Variants in SEMA7A observed in about 807,000 individuals in gnomAD.
SEMA7A encodes the protein semaphorin 7A (JohnMiltonHagen blood group), also known as semaphorin-7A.
SEMA7A carries 21 observed loss-of-function variants against 67.5 expected under a neutral mutation model. The ratio of observed to expected loss-of-function variants is 0.31; its 90% CI spans 0.22 to 0.45. The LOEUF is 0.45. Among genes scored for constraint, SEMA7A ranks in the 20% least tolerant of loss-of-function variants. The probability of loss-of-function intolerance (pLI) is 1.00; values close to 1 mark genes in which losing one functional copy is unlikely to be tolerated. For missense variants in SEMA7A, 774 were observed against 908.6 expected (o/e 0.85, Z 1.90); for synonymous variants, 364 against 368.5 (o/e 0.99, Z 0.14).
chr15:74,414,840 T>C lies in SEMA7A; in HGVS notation c.1093A>G (p.Lys365Glu). ...GCCACGGCTGGTGTCACGCTCACCT[T>C]GCCAGGCCGCGGGTTGGGAAGGCTT... ...HSSLPNPRPGKCLPDQQPIPT... is the reference protein window; with the variant it reads ...HSSLPNPRPGECLPDQQPIPT... The change falls in exon 9 of 14, where the codon AAG (lysine) becomes GAG (glutamate). Residue 365 changes from lysine (K) to glutamate (E), a missense_variant and splice_region_variant. This residue lies in a region of SEMA7A where 427 missense variants were observed against 555.4 expected (regional missense o/e 0.77). Coordinates refer to ENST00000261918, the MANE Select transcript of SEMA7A (RefSeq NM_003612.5). This position sits in a 1 kb window ranked among gnomAD's most constrained non-coding sequence, Gnocchi z 4.1. 1 of 1,614,174 alleles carries C rather than the reference T, an allele frequency of 6.2e-7. No individual in the cohort carries two copies. Among genetic ancestry groups the C allele is most frequent in the Non-Finnish European group, 8.5e-7 (1 of 1,180,006 alleles).
chr15:74,433,686 C>T, intron 1 of SEMA7A, 55 bp downstream of exon 1: 1 of 1,373,528 alleles, frequency 7.3e-7, no homozygotes, highest in Non-Finnish European at 9.3e-7. Flanking sequence ...ACACTCCGCA[C>T]CCGCCCCGCG....
rs1249884157 is a variant in SEMA7A at position 74,423,610 on chromosome 15, G to A, written c.179-4658C>T. On this transcript the variant is annotated intron_variant, in intron 1 of 13. Transcript: ENST00000261918. This position sits in a 1 kb window ranked among gnomAD's most constrained non-coding sequence, Gnocchi z 4.1. ...TTCCCTCTCTTGCTCACTAGGTGCC[G>A]AGTCACTAACCTGATAACTAAAGGG... Among the ~76,000 whole-genome samples the A allele has an allele frequency of 1.3e-5, 2 of 152,126 alleles. No individual in the cohort carries two copies. The highest frequency in any genetic ancestry group is 2.9e-5 in the Non-Finnish European group (2 of 68,024).
chr15:74,412,460 C>T (rs555623112), intron 10 of SEMA7A, among the ~76,000 whole-genome samples: 2 of 152,320 alleles, frequency 1.3e-5, no homozygotes, highest in Admixed American at 6.5e-5. Context: ...CAGCAGAGAC[C>T]GAGTTGGAAC....
chr15:74,431,608 A>T (rs1261757725), intron 1 of SEMA7A, among the ~76,000 whole-genome samples: 1 of 152,246 alleles, frequency 6.6e-6, no homozygotes, highest in Non-Finnish European at 1.5e-5. Flanking sequence ...CACCACTGGT[A>T]GACAGAGCTC....
At chr15:74,429,885 C>T (rs1411635535) in intron 1 of SEMA7A, among the ~76,000 whole-genome samples, 2 of 152,104 alleles carry the variant, frequency 1.3e-5, no homozygotes, top group Admixed American at 1.3e-4. Context: ...CCTTCCCTCC[C>T]CCAGCTGGCT....
rs747009655 is a variant in SEMA7A at position 74,417,935 on chromosome 15, C to T, written c.407G>A (p.Arg136Gln). The change falls in exon 4 of 14, where the codon CGG (arginine) becomes CAG (glutamine). Residue 136 changes from arginine (R) to glutamine (Q), a missense_variant. This residue lies in a region of SEMA7A where 347 missense variants were observed against 353.2 expected (regional missense o/e 0.98). Transcript: ENST00000261918. ...CENYITLLER[R>Q]SEGLLACGTN... ...GCCACAGGCCAGCAGCCCCTCACTC[C>T]GCCTCTCCAGGAGAGTGATGTAGTT... The T allele has an allele frequency of 2.6e-5, 42 of 1,613,216 alleles. No individual in the cohort carries two copies. Among genetic ancestry groups the T allele is most frequent in the South Asian group, 3.3e-5 (3 of 91,088 alleles).
At chr15:74,428,818 A>G (rs575294945) in intron 1 of SEMA7A, among the ~76,000 whole-genome samples, 8 of 152,318 alleles carry the variant, frequency 5.3e-5, no homozygotes, top group African/African-American at 1.7e-4. Context: ...CAGGGAGAAT[A>G]AAGGGCTTGG....
chr15:74,417,432 A>G lies in SEMA7A; in HGVS notation c.564T>C (p.Tyr188=), dbSNP rs2060961039. The G allele has an allele frequency of 3.7e-6, 6 of 1,613,698 alleles. No homozygotes were observed. Among genetic ancestry groups the G allele is most frequent in the South Asian group, 2.2e-5 (2 of 91,084 alleles). The change falls in exon 6 of 14, where the codon TAT becomes TAC. Residue 188 remains tyrosine (Y), a synonymous_variant. Coordinates refer to ENST00000261918, the MANE Select transcript of SEMA7A (RefSeq NM_003612.5). ...TGTATTCCTGCTTCCGGATGGTGGA[A>G]TACACCTCGTCCCCTGGGGTCAGTG... ...SLVLFEGDEV[Y]STIRKQEYNG... is the part of the protein sequence containing the mutation.
Position 74,410,986 on chromosome 15 carries a change from C to A in SEMA7A, c.1640-1G>T. ...GAAACCTTCTGCAGTGGGGCCTTGTCTGGGGAGGCAGTGGGGAAGCAGCCG... is the reference window on the plus strand; with the variant it reads ...GAAACCTTCTGCAGTGGGGCCTTGTATGGGGAGGCAGTGGGGAAGCAGCCG... On this transcript the variant is annotated splice_acceptor_variant, in intron 13 of 13. Coordinates refer to ENST00000261918, the MANE Select transcript of SEMA7A (RefSeq NM_003612.5). LOFTEE classifies it high-confidence loss of function. The surrounding 1 kb of genome is among the most constrained non-coding windows in gnomAD (Gnocchi z 7.5). 6.2e-7 allele frequency: 1 copy of A among 1,609,888 alleles called. No homozygotes were observed. Among genetic ancestry groups the A allele is most frequent in the South Asian group, 1.1e-5 (1 of 90,936 alleles).
chr15:74,420,970 C>T (rs1430519234), intron 1 of SEMA7A, among the ~76,000 whole-genome samples: 2 of 152,242 alleles, frequency 1.3e-5, no homozygotes, highest in Admixed American at 1.3e-4. Flanking sequence ...CATCAGTCAC[C>T]TTAGCCCCAC....
intron 1 of SEMA7A, among the ~76,000 whole-genome samples, chr15:74,433,124 G>A (rs2141296150): frequency 6.6e-6 from 1 of 152,194 alleles, no homozygotes; most frequent in African/African-American, 2.4e-5. Context: ...TGCTGAGGCA[G>A]CGCCCTGGTA....
chr15:74,416,866 G>A (rs989591268), intron 6 of SEMA7A, 152 bp from the exon 7 acceptor site: 60 of 824,888 alleles, frequency 7.3e-5, no homozygotes, highest in East Asian at 3.3e-4. Flanking sequence ...CCAACTCCCC[G>A]AGGGGCCCTA....
At chr15:74,425,905 C>T (rs2061040314) in intron 1 of SEMA7A, among the ~76,000 whole-genome samples, 1 of 152,166 alleles carries the variant, frequency 6.6e-6, no homozygotes, top group Non-Finnish European at 1.5e-5. Flanking sequence ...TGCAGATAGG[C>T]CAGTGACCTT....
At chr15:74,425,347 TGAGACACAGAGAAGCTGA>T (rs1567077641) in intron 1 of SEMA7A, among the ~76,000 whole-genome samples, 1 of 152,224 alleles carries the variant, frequency 6.6e-6, no homozygotes, top group Non-Finnish European at 1.5e-5. Flanking sequence ...ATGAGGACCA[TGAGACACAGAGAAGCTGA>T]GTAACTTACC....
rs760564617 is a variant in SEMA7A, at chr15:74,411,284, A to G, written c.1639+11T>C. On this transcript the variant is annotated intron_variant, in intron 13 of 13. Transcript: ENST00000261918. The surrounding 1 kb of genome is among the most constrained non-coding windows in gnomAD (Gnocchi z 4.4). ...TTGGGCCACAGCCGCCAGCAGGGCC[A>G]GATCAGGTACCTGGTTTGGGGTTGG... is the stretch of plus-strand genomic sequence containing the variant. 2 of 1,613,492 alleles carry G rather than the reference A, an allele frequency of 1.2e-6. No homozygotes were observed. The highest frequency in any genetic ancestry group is 2.2e-5 in the South Asian group (2 of 90,988).
chr15:74,420,826 C>A (rs1318758266), intron 1 of SEMA7A, among the ~76,000 whole-genome samples: 1 of 152,248 alleles, frequency 6.6e-6, no homozygotes, highest in Non-Finnish European at 1.5e-5. Context: ...CCCCTCCCAT[C>A]CACCGATAGC....
intron 1 of SEMA7A, among the ~76,000 whole-genome samples, chr15:74,429,416 G>A (rs968295639): frequency 3.3e-5 from 5 of 152,164 alleles, no homozygotes; most frequent in Non-Finnish European, 7.4e-5. Flanking sequence ...ACCTATCCAT[G>A]CCACCCCCAC....
At chr15:74,427,143 C>A in intron 1 of SEMA7A, 3 of 893,026 alleles carry the variant, frequency 3.4e-6, no homozygotes, top group Non-Finnish European at 4.0e-6. Flanking sequence ...GCCCTCACTG[C>A]CCGTACCTTC....
At chr15:74,424,864 A>G (rs1417444959) in intron 1 of SEMA7A, among the ~76,000 whole-genome samples, 4 of 152,194 alleles carry the variant, frequency 2.6e-5, no homozygotes, top group Admixed American at 1.3e-4. Context: ...AAAGCCCCAG[A>G]GTGGGGCCGA....
Sources: allele counts gnomAD v4.1 joint callset (sites outside exome capture counted in the v4.1 genomes callset), GRCh38; gene constraint gnomAD v4.1.1; regional missense constraint gnomAD v4.1.1; non-coding constraint Gnocchi (gnomAD v3.1); transcripts MANE v1.5; gene names NCBI Gene and HGNC (gene_info 2026-07-23, HGNC 2026-07-21).